TBC1D5: variants seen among roughly 807,000 people sequenced by gnomAD.
TBC1D5 encodes the protein TBC1 domain family, member 5.
In TBC1D5, 75 loss-of-function variants were observed where a neutral mutation model predicts 100.3. The ratio of observed to expected loss-of-function variants is 0.75; its 90% CI spans 0.62 to 0.91. The LOEUF is 0.91. TBC1D5 is among the 40% of genes least tolerant of loss of function. The pLI, the probability that TBC1D5 is intolerant of heterozygous loss-of-function variation, is 0.00. For synonymous variants in TBC1D5, 323 were observed against 325.6 expected (o/e 0.99, Z 0.09); for missense variants, 910 against 942.4 (o/e 0.97, Z 0.45).
chr3:17,273,628 G>A (rs1014824025), intron 15 of TBC1D5, among the ~76,000 whole-genome samples: 2 of 151,880 alleles, frequency 1.3e-5, no homozygotes, highest in Non-Finnish European at 2.9e-5. Context: ...CCAACATGGC[G>A]AAACCCTGTC....
chr3:17,535,133 T>C (rs2096269938), intron 2 of TBC1D5, among the ~76,000 whole-genome samples: 1 of 152,188 alleles, frequency 6.6e-6, no homozygotes, highest in Non-Finnish European at 1.5e-5. Context: ...CTTACCTCCT[T>C]TGTAATAATG....
intron 3 of TBC1D5, among the ~76,000 whole-genome samples, chr3:17,469,016 T>C (rs1196685325): frequency 6.6e-6 from 1 of 152,160 alleles, no homozygotes; most frequent in Non-Finnish European, 1.5e-5. Context: ...TTTCCCGAAG[T>C]CATTTGATGG....
At chr3:17,234,521 A>G (rs1456695414) in intron 17 of TBC1D5, among the ~76,000 whole-genome samples, 4 of 152,002 alleles carry the variant, frequency 2.6e-5, no homozygotes, top group Non-Finnish European at 5.9e-5. Context: ...GTGCACTAAC[A>G]TTTGGAAGGA....
intron 3 of TBC1D5, among the ~76,000 whole-genome samples, chr3:17,494,003 A>C (rs556451627): frequency 6.6e-6 from 1 of 152,012 alleles, no homozygotes; most frequent in East Asian, 1.9e-4. Flanking sequence ...GAAAAGAGGC[A>C]CTCTGACTAG....
chr3:17,532,945 C>G (rs2096246043), intron 2 of TBC1D5, among the ~76,000 whole-genome samples: 1 of 151,736 alleles, frequency 6.6e-6, no homozygotes, highest in Admixed American at 6.6e-5. Context: ...ATGTAACAAA[C>G]CTGCACGTTG....
At chr3:17,390,601 T>C (rs1448556297) in intron 8 of TBC1D5, among the ~76,000 whole-genome samples, 2 of 152,046 alleles carry the variant, frequency 1.3e-5, no homozygotes, top group African/African-American at 2.4e-5. Flanking sequence ...CAGAAGGACT[T>C]GAAGGAACAA....
chr3:17,722,590 T>C (rs2075793046), intron 1 of TBC1D5, among the ~76,000 whole-genome samples: 1 of 152,232 alleles, frequency 6.6e-6, no homozygotes, highest in Admixed American at 6.5e-5. Context: ...AATTTTTAAG[T>C]TGCAATATCT....
chr3:17,476,614 G>A (rs1304690021), intron 3 of TBC1D5, among the ~76,000 whole-genome samples: 2 of 151,746 alleles, frequency 1.3e-5, no homozygotes, highest in Admixed American at 6.6e-5. Flanking sequence ...GACCTGCCAA[G>A]TTACTAAAAA....
At chr3:17,618,980 C>T (rs1456599911) in intron 2 of TBC1D5, among the ~76,000 whole-genome samples, 1 of 152,212 alleles carries the variant, frequency 6.6e-6, no homozygotes, top group African/African-American at 2.4e-5. Context: ...CCGTCTTCTG[C>T]ATTCATCACA....
chr3:17,298,030 A>C (rs1429985811), intron 14 of TBC1D5, among the ~76,000 whole-genome samples: 1 of 152,234 alleles, frequency 6.6e-6, no homozygotes, highest in African/African-American at 2.4e-5. Flanking sequence ...GTGGGGATTA[A>C]GATTTAGAAA....
chr3:17,590,863 G>C (rs748577481), intron 2 of TBC1D5, among the ~76,000 whole-genome samples: 1 of 152,022 alleles, frequency 6.6e-6, no homozygotes, highest in Non-Finnish European at 1.5e-5. Flanking sequence ...GAAAGTGATA[G>C]GAAGCCTACT....
At chr3:17,432,924 T>C (rs2094469037) in intron 3 of TBC1D5, among the ~76,000 whole-genome samples, 1 of 152,176 alleles carries the variant, frequency 6.6e-6, no homozygotes, top group Non-Finnish European at 1.5e-5. Context: ...TTTTAGGACT[T>C]TGTAAAAGCT....
chr3:17,326,514 C>G (rs1396900896), intron 13 of TBC1D5, among the ~76,000 whole-genome samples: 1 of 151,986 alleles, frequency 6.6e-6, no homozygotes, highest in Non-Finnish European at 1.5e-5. Context: ...ACTCTGTTGC[C>G]CAGGCTGGAG....
intron 1 of TBC1D5, among the ~76,000 whole-genome samples, chr3:17,720,698 T>C (rs1035862874): frequency 2.0e-5 from 3 of 152,094 alleles, no homozygotes; most frequent in African/African-American, 7.2e-5. Context: ...TGGTCCCAGC[T>C]ATTTCAGAGG....
rs1014448461 is a variant in TBC1D5 at position 17,654,437 on chromosome 3, G to C, written c.-100-30524C>G. Among the ~76,000 whole-genome samples, 12 of 152,224 alleles carry C rather than the reference G, an allele frequency of 7.9e-5. No individual in the cohort carries two copies. In the East Asian group the frequency reaches 2.3e-3, roughly 29 times the overall value. ...GGTAACTAACAAAAACAATTATCTT[G>C]AAACTGTATACACCAATCATTTTAA... is the stretch of plus-strand genomic sequence containing the variant. On this transcript the variant is annotated intron_variant, in intron 1 of 21. Coordinates refer to ENST00000253692, the Ensembl canonical transcript of TBC1D5.
intron 2 of TBC1D5, among the ~76,000 whole-genome samples, chr3:17,510,125 A>C (rs1162063900): frequency 6.6e-6 from 1 of 152,026 alleles, no homozygotes; most frequent in Admixed American, 6.6e-5. Context: ...AAGTGGTAAA[A>C]GCAAGTCCAA....
At chr3:17,325,346 G>A (rs1347273957) in intron 13 of TBC1D5, among the ~76,000 whole-genome samples, 3 of 135,348 alleles carry the variant, frequency 2.2e-5, no homozygotes, top group Non-Finnish European at 4.7e-5. Flanking sequence ...TTTTTGAGAC[G>A]AAGTCTTGCC....
chr3:17,483,558 GT>G (rs2150363109), intron 3 of TBC1D5, among the ~76,000 whole-genome samples: 1 of 152,220 alleles, frequency 6.6e-6, no homozygotes, highest in East Asian at 1.9e-4. Context: ...ATTACACTAA[GT>G]TTTTTAATGT....
At chr3:17,677,716 A>G (rs908026401) in intron 1 of TBC1D5, among the ~76,000 whole-genome samples, 5 of 152,192 alleles carry the variant, frequency 3.3e-5, no homozygotes, top group African/African-American at 1.2e-4. Flanking sequence ...TTGCGGCACT[A>G]TTCACAATAG....
Sources: allele counts gnomAD v4.1 joint callset (sites outside exome capture counted in the v4.1 genomes callset), GRCh38; gene constraint gnomAD v4.1.1; transcripts MANE v1.5; gene names NCBI Gene and HGNC (gene_info 2026-07-23, HGNC 2026-07-21).